PCDHGA9: variants seen among roughly 807,000 people sequenced by gnomAD.
The protein encoded by PCDHGA9 is protocadherin gamma-A9.
A neutral mutation model predicts 62.5 loss-of-function variants in PCDHGA9; 37 were observed. The observed-to-expected ratio is 0.59, with a 90% CI of 0.46 to 0.78. The LOEUF (loss-of-function observed/expected upper bound fraction) is 0.78, where lower values mean the gene tolerates loss of function less well. Ranked by LOEUF, PCDHGA9 falls within the 30% of genes least tolerant of loss-of-function variation. The pLI is 0.00. For synonymous variants in PCDHGA9, 459 were observed against 484.6 expected, an observed-to-expected ratio of 0.95 and a Z score of 0.69; for missense variants, 1,138 against 1,166.2, an observed-to-expected ratio of 0.98 and a Z score of 0.35.
intron 1 of PCDHGA9, among the ~76,000 whole-genome samples, chr5:141,452,815 A>G (rs1199990390): frequency 6.6e-6 from 1 of 152,186 alleles, no homozygotes; most frequent in Admixed American, 6.5e-5. Flanking sequence ...TTTGTTCATA[A>G]GAAGCAAAAT....
In PCDHGA9 at chr5:141,477,844, G is replaced by A. The variant is rs748180474; in HGVS notation, c.2425-16963G>A. On this transcript the variant is annotated intron_variant, in intron 1 of 3. Coordinates refer to ENST00000573521, the MANE Select transcript of PCDHGA9 (RefSeq NM_018921.3). This position sits in a 1 kb window ranked among gnomAD's most constrained non-coding sequence, Gnocchi z 4.9. ...TATATCCTCGGCCAGGTGGGAGCTC[G>A]GTGGAGATGCTGCCTCGAGGTACCT... The A allele has an allele frequency of 6.2e-7, 1 of 1,613,394 alleles. No individual in the cohort carries two copies.
Position 141,405,226 on chromosome 5 carries a change from C to A in PCDHGA9, c.2274C>A (p.Ser758=), listed in dbSNP as rs756970325. The part of the protein sequence containing the change: ...AFLQTYSQEF[S]LTADSRKSHL... ...TACAGACCTATTCTCAGGAGTTCTCCCTCACCGCTGACTCAAGGAAGAGTC... is the reference window on the plus strand; with the variant it reads ...TACAGACCTATTCTCAGGAGTTCTCACTCACCGCTGACTCAAGGAAGAGTC... The change falls in exon 1 of 4, where the codon TCC becomes TCA. Residue 758 remains serine, a synonymous_variant. Coordinates refer to ENST00000573521, the MANE Select transcript of PCDHGA9 (RefSeq NM_018921.3). 3.1e-6 allele frequency: 5 copies of A among 1,614,052 alleles called. No individual in the cohort carries two copies. The East Asian group carries it at 1.1e-4, about 36-fold the overall frequency.
chr5:141,449,842 A>G (rs893220311), intron 1 of PCDHGA9, among the ~76,000 whole-genome samples: 4 of 151,700 alleles, frequency 2.6e-5, no homozygotes, highest in Non-Finnish European at 4.4e-5. Flanking sequence ...TTATATAATT[A>G]AATTTTAATA....
chr5:141,475,527 C>G (rs1462406655), intron 1 of PCDHGA9, among the ~76,000 whole-genome samples: 2 of 152,172 alleles, frequency 1.3e-5, no homozygotes, highest in African/African-American at 2.4e-5. Context: ...ATGCTAAATG[C>G]CTCCTTACAA....
intron 1 of PCDHGA9, among the ~76,000 whole-genome samples, chr5:141,430,066 G>A (rs550834063): frequency 4.1e-4 from 62 of 152,102 alleles, no homozygotes; most frequent in Non-Finnish European, 8.4e-4. Flanking sequence ...TCATTTTTAG[G>A]TTTCCATAAT....
intron 1 of PCDHGA9, chr5:141,410,735 T>C: frequency 7.5e-7 from 1 of 1,336,188 alleles, no homozygotes; most frequent in Non-Finnish European, 1.0e-6. Context: ...CATAGCTTTT[T>C]ACAATATTTT....
At chr5:141,412,282 C>A (rs1017660848) in intron 1 of PCDHGA9, 1 of 152,186 alleles carries the variant, frequency 6.6e-6, no homozygotes, top group African/African-American at 2.4e-5. Flanking sequence ...ACTTCAAATT[C>A]TACGTATTTC....
At chr5:141,497,741 G>A (rs767561907) in intron 2 of PCDHGA9, among the ~76,000 whole-genome samples, 24 of 152,050 alleles carry the variant, frequency 1.6e-4, no homozygotes, top group Non-Finnish European at 2.6e-4. Context: ...GTTTCGCCAC[G>A]TTGGCCAGGC....
chr5:141,500,139 CT>C (rs2099796692), intron 2 of PCDHGA9, among the ~76,000 whole-genome samples: 2 of 151,768 alleles, frequency 1.3e-5, no homozygotes, highest in East Asian at 3.9e-4. Context: ...TCTTTCTAAA[CT>C]TTTCTTTGTG....
intron 1 of PCDHGA9, chr5:141,414,197 T>C: frequency 3.1e-6 from 5 of 1,611,210 alleles, no homozygotes; most frequent in Non-Finnish European, 4.2e-6. Flanking sequence ...TTGATTACAG[T>C]AGAAGATGTA....
At chr5:141,422,142 G>T in intron 1 of PCDHGA9, 1 of 1,583,694 alleles carries the variant, frequency 6.3e-7, no homozygotes, top group Non-Finnish European at 8.5e-7. Flanking sequence ...TTCAAGTACG[G>T]GGGTCTCTGG....
In PCDHGA9 at chr5:141,405,345, A is replaced by C. The variant is rs758657243; in HGVS notation, c.2393A>C (p.Lys798Thr). ...NEPLCVSVDS[K>T]FPIEDTPLVP... ...CCTTTGTGCGTCTCTGTTGATTCCA[A>C]GTTTCCTATAGAAGACACCCCTTTG... Residue 798 changes from lysine to threonine, a missense_variant, in exon 1 of 4, where the codon AAG becomes ACG. Lys to Thr is a moderately conservative substitution (Grantham distance 78). Coordinates refer to ENST00000573521, the MANE Select transcript of PCDHGA9 (RefSeq NM_018921.3). 2 of 1,613,944 alleles carry C rather than the reference A, an allele frequency of 1.2e-6. No homozygotes were observed. Among genetic ancestry groups the C allele is most frequent in the Middle Eastern group, 1.6e-4 (1 of 6,062 alleles).
intron 1 of PCDHGA9, among the ~76,000 whole-genome samples, chr5:141,462,337 T>C (rs1053544147): frequency 6.6e-6 from 1 of 152,260 alleles, no homozygotes; most frequent in Non-Finnish European, 1.5e-5. Context: ...TTAATTGTAT[T>C]GTGATCCAAA....
At chr5:141,418,310 G>C (rs778649723) in intron 1 of PCDHGA9, 2 of 1,613,990 alleles carry the variant, frequency 1.2e-6, no homozygotes, top group Non-Finnish European at 1.7e-6. Context: ...CCTGGGGATG[G>C]GAACAATTCT....
chr5:141,450,758 A>G (rs1007910264), intron 1 of PCDHGA9, among the ~76,000 whole-genome samples: 2 of 151,784 alleles, frequency 1.3e-5, no homozygotes, highest in African/African-American at 4.8e-5. Flanking sequence ...AAGTGCCGGG[A>G]TTACAGGCAT....
chr5:141,423,597 G>C, intron 1 of PCDHGA9: 1 of 1,613,188 alleles, frequency 6.2e-7, no homozygotes, highest in Non-Finnish European at 8.5e-7. Context: ...AGAAAAGCGA[G>C]CCACTCTTGA....
chr5:141,405,840 A>ATATCAGTGT (rs2094725824), intron 1 of PCDHGA9, among the ~76,000 whole-genome samples: 1 of 152,188 alleles, frequency 6.6e-6, no homozygotes, highest in Non-Finnish European at 1.5e-5. Context: ...GTATAAGTTG[A>ATATCAGTGT]TATCAGTGTG....
chr5:141,415,147 C>A lies in PCDHGA9; in HGVS notation c.2424+9771C>A, dbSNP rs779194230. The A allele has an allele frequency of 9.9e-6, 16 of 1,613,668 alleles. No individual in the cohort carries two copies. Among genetic ancestry groups the A allele is most frequent in the African/African-American group, 1.3e-5 (1 of 74,952 alleles). On this transcript the variant is annotated intron_variant, in intron 1 of 3. Transcript: ENST00000573521. ...CGTCCAGGACCACGGCCAGCCCCCT[C>A]TCTCCGCCACTGTCACGCTCACCGT... is the stretch of plus-strand genomic sequence containing the variant.
In PCDHGA9 at chr5:141,490,000, A is replaced by G. The variant is rs762999106; in HGVS notation, c.2425-4807A>G. The G allele has an allele frequency of 6.2e-7, 1 of 1,614,198 alleles. No individual in the cohort carries two copies. Among genetic ancestry groups the G allele is most frequent in the Admixed American group, 1.7e-5 (1 of 60,032 alleles). ...AGTTCTACGTGTGGGAATCCCAGAG[A>G]ATGCACCCATTGGTACTCTGCTGCT... On this transcript the variant is annotated intron_variant, in intron 1 of 3. Coordinates refer to ENST00000573521, the MANE Select transcript of PCDHGA9 (RefSeq NM_018921.3). The surrounding 1 kb of genome is among the most constrained non-coding windows in gnomAD (Gnocchi z 4.5).
Sources: allele counts gnomAD v4.1 joint callset (sites outside exome capture counted in the v4.1 genomes callset), GRCh38; gene constraint gnomAD v4.1.1; non-coding constraint Gnocchi (gnomAD v3.1); transcripts MANE v1.5; gene names NCBI Gene and HGNC (gene_info 2026-07-23, HGNC 2026-07-21).